Variants in PRKCH observed in about 807,000 individuals in gnomAD.
The protein encoded by PRKCH is protein kinase C eta type.
PRKCH carries 28 observed loss-of-function variants against 82.5 expected under a neutral mutation model. The observed-to-expected ratio is 0.34, with a 90% CI of 0.25 to 0.47. The LOEUF is 0.47. PRKCH is among the 20% of genes least tolerant of loss of function. The pLI is 1.00. For synonymous variants in PRKCH, 322 were observed against 327.4 expected (o/e 0.98, Z 0.18); for missense variants, 705 against 881.8 (o/e 0.80, Z 2.54).
chr14:61,301,809 C>T (rs537244630), intron 1 of PRKCH, among the ~76,000 whole-genome samples: 3 of 152,162 alleles, frequency 2.0e-5, no homozygotes, highest in Non-Finnish European at 1.5e-5. Flanking sequence ...CCATTGCATT[C>T]CAGCCTTGGT....
intron 1 of PRKCH, among the ~76,000 whole-genome samples, chr14:61,239,609 A>T (rs752259150): frequency 4.6e-5 from 7 of 152,170 alleles, no homozygotes; most frequent in Non-Finnish European, 8.8e-5. Flanking sequence ...TGGGCCTGAG[A>T]AGGGAGGAGT....
At chr14:61,270,552 TAAAG>T (rs887578123) in intron 1 of PRKCH, among the ~76,000 whole-genome samples, 2 of 152,164 alleles carry the variant, frequency 1.3e-5, no homozygotes, top group South Asian at 2.1e-4. Context: ...TTTTTCAACT[TAAAG>T]AAAACACATT....
chr14:61,294,510 C>G (rs2045390607), intron 1 of PRKCH, among the ~76,000 whole-genome samples: 1 of 151,626 alleles, frequency 6.6e-6, no homozygotes. Flanking sequence ...TTCTTTATAT[C>G]TAGTATATTA....
At position 61,505,350 on chromosome 14, in the gene PRKCH, C is replaced by G. The variant is rs536325178; in HGVS notation, c.1433+19694C>G. ...CACTGAGACTTCACATGGTGGAAGCCGTGAGAGAGCTCTCTAGGATTTGTC... is the reference window on the plus strand; with the variant it reads ...CACTGAGACTTCACATGGTGGAAGCGGTGAGAGAGCTCTCTAGGATTTGTC... On this transcript the variant is annotated intron_variant, in intron 10 of 13. Transcript: ENST00000332981. 2.7e-5 allele frequency among the ~76,000 whole-genome samples: 4 copies of G among 147,610 alleles called. No individual in the cohort carries two copies. The South Asian group carries it at 8.7e-4, about 32-fold the overall frequency.
intron 10 of PRKCH, among the ~76,000 whole-genome samples, chr14:61,494,324 T>C (rs997568951): frequency 1.3e-5 from 2 of 152,256 alleles, no homozygotes; most frequent in African/African-American, 2.4e-5. Context: ...ACAATTGGTA[T>C]GTTCATCATT....
At chr14:61,331,236 A>T (rs540699585) in intron 1 of PRKCH, among the ~76,000 whole-genome samples, 1 of 152,314 alleles carries the variant, frequency 6.6e-6, no homozygotes, top group South Asian at 2.1e-4. Context: ...ATTTACTTAG[A>T]TTTTTACTTA....
rs561772402 is a variant in PRKCH at position 61,305,553 on chromosome 14, T to C, written c.-19+117885T>C. 5 of 152,286 alleles carry C rather than the reference T, an allele frequency of 3.3e-5. 1 individual carries two copies. The South Asian group carries it at 1.0e-3, about 32-fold the overall frequency. 9.4% of individuals were successfully genotyped at this position (152,286 alleles called of 1,614,324 possible). A position where few individuals can be genotyped will look rare whatever the true frequency, so the allele number is the denominator to read the frequency against. On this transcript the variant is annotated intron_variant, in intron 1 of 3. Transcript: ENST00000555185. ...ATATATTTTTTCCAATCTTTTCCTT[T>C]CTGTTATTAAATTATATAATTTCTA... is the stretch of plus-strand genomic sequence containing the variant.
chr14:61,336,848 T>G (rs1411127732), intron 1 of PRKCH, among the ~76,000 whole-genome samples: 2 of 151,998 alleles, frequency 1.3e-5, no homozygotes, highest in African/African-American at 4.8e-5. Flanking sequence ...GTGGGCAGAT[T>G]GCTTGAGGTC....
intron 2 of PRKCH, among the ~76,000 whole-genome samples, chr14:61,395,497 G>T (rs2046765605): frequency 6.6e-6 from 1 of 152,128 alleles, no homozygotes; most frequent in African/African-American, 2.4e-5. Context: ...GGTCAGGCCT[G>T]CCCAGTGTGT....
chr14:61,334,070 G>A (rs2045822540), intron 1 of PRKCH, among the ~76,000 whole-genome samples: 1 of 152,144 alleles, frequency 6.6e-6, no homozygotes, highest in African/African-American at 2.4e-5. Flanking sequence ...CCACAGAGCA[G>A]CCCCCTAGCT....
intron 1 of PRKCH, among the ~76,000 whole-genome samples, chr14:61,380,109 G>C (rs759510329): frequency 2.0e-5 from 3 of 151,912 alleles, no homozygotes; most frequent in African/African-American, 4.8e-5. Flanking sequence ...GGCTCTCCGG[G>C]GTGCAGTGTT....
intron 10 of PRKCH, among the ~76,000 whole-genome samples, chr14:61,523,418 C>T (rs1022373396): frequency 1.3e-5 from 2 of 152,234 alleles, no homozygotes; most frequent in Admixed American, 6.5e-5. Flanking sequence ...GGGGATTGGC[C>T]GGTGACACTG....
At chr14:61,208,821 C>A (rs563649690) in intron 1 of PRKCH, among the ~76,000 whole-genome samples, 2 of 152,072 alleles carry the variant, frequency 1.3e-5, no homozygotes, top group African/African-American at 4.8e-5. Flanking sequence ...GAATTGTGTC[C>A]CTACAAAATT....
At chr14:61,482,299 G>T (rs1886015871) in intron 9 of PRKCH, among the ~76,000 whole-genome samples, 1 of 152,086 alleles carries the variant, frequency 6.6e-6, no homozygotes, top group Non-Finnish European at 1.5e-5. Context: ...GCCTGGCCTG[G>T]ATCTTCTTTT....
intron 1 of PRKCH, among the ~76,000 whole-genome samples, chr14:61,231,362 AT>A (rs10656204): frequency 3.5e-4 from 45 of 128,504 alleles, no homozygotes; most frequent in African/African-American, 1.0e-3. Context: ...ATCCAGATGA[AT>A]TTTTTTTTTT....
At chr14:61,411,415 A>G (rs374749401) in intron 2 of PRKCH, among the ~76,000 whole-genome samples, 2 of 152,224 alleles carry the variant, frequency 1.3e-5, no homozygotes, top group South Asian at 4.1e-4. Flanking sequence ...TTTTCAGTTT[A>G]AAACCTATAG....
At chr14:61,540,067 T>C (rs575350420) in intron 12 of PRKCH, among the ~76,000 whole-genome samples, 2 of 152,366 alleles carry the variant, frequency 1.3e-5, no homozygotes, top group Admixed American at 6.5e-5. Context: ...AAATTTTAAG[T>C]GTCCTTCTAT....
chr14:61,201,930 G>T (rs145774074), intron 1 of PRKCH, among the ~76,000 whole-genome samples: 98 of 152,242 alleles, frequency 6.4e-4, no homozygotes, highest in African/African-American at 2.3e-3. Context: ...TGCTGATTAT[G>T]GAGTGAGATT....
At chr14:61,468,733 C>G (rs1236307501) in intron 9 of PRKCH, among the ~76,000 whole-genome samples, 5 of 152,164 alleles carry the variant, frequency 3.3e-5, no homozygotes, top group Non-Finnish European at 5.9e-5. Context: ...TGGTAGCCAT[C>G]ATTATCACTG....
Sources: allele counts gnomAD v4.1 joint callset (sites outside exome capture counted in the v4.1 genomes callset), GRCh38; gene constraint gnomAD v4.1.1; transcripts MANE v1.5; gene names NCBI Gene and HGNC (gene_info 2026-07-23, HGNC 2026-07-21).